TBCK: variants seen among roughly 807,000 people sequenced by gnomAD.
TBCK encodes the protein TBC1 domain containing kinase, also known as TBC domain-containing protein kinase-like protein.
TBCK carries 99 observed loss-of-function variants against 113.4 expected under a neutral mutation model. The ratio of observed to expected loss-of-function variants is 0.87; its 90% confidence interval spans 0.74 to 1.03. The LOEUF (loss-of-function observed/expected upper bound fraction) is 1.03. Ranked by LOEUF, TBCK falls within the 50% of genes least tolerant of loss-of-function variation. The pLI, the probability that TBCK is intolerant of heterozygous loss-of-function variation, is 0.00. For missense variants in TBCK, 1,045 were observed against 1,061.3 expected, an observed-to-expected ratio of 0.98 and a Z score of 0.21; for synonymous variants, 369 against 370.8, an observed-to-expected ratio of 1.00 and a Z score of 0.05.
At chr4:106,114,030 G>A (rs773672827) in intron 24 of TBCK, among the ~76,000 whole-genome samples, 3 of 152,206 alleles carry the variant, frequency 2.0e-5, no homozygotes, top group Non-Finnish European at 4.4e-5. Flanking sequence ...GGAAAAGAAT[G>A]TGGCTAATTA....
At chr4:106,160,186 T>C (rs977774826) in intron 23 of TBCK, among the ~76,000 whole-genome samples, 1 of 151,882 alleles carries the variant, frequency 6.6e-6, no homozygotes, top group Non-Finnish European at 1.5e-5. Flanking sequence ...GAAGAAAACA[T>C]AGGGCAAAAG....
At chr4:106,170,331 T>C (rs1316118635) in intron 23 of TBCK, among the ~76,000 whole-genome samples, 1 of 152,126 alleles carries the variant, frequency 6.6e-6, no homozygotes, top group Non-Finnish European at 1.5e-5. Flanking sequence ...ATCTTTCATA[T>C]ATATATTCAT....
intron 19 of TBCK, among the ~76,000 whole-genome samples, chr4:106,218,080 C>T (rs2149926097): frequency 6.8e-6 from 1 of 146,656 alleles, no homozygotes; most frequent in East Asian, 2.0e-4. Context: ...CTACAACTAT[C>T]TGATCTTTCA....
intron 7 of TBCK, among the ~76,000 whole-genome samples, chr4:106,249,300 G>A (rs1466350929): frequency 1.3e-5 from 2 of 152,066 alleles, no homozygotes; most frequent in Non-Finnish European, 2.9e-5. Context: ...GACACACATA[G>A]CTGACCCTTG....
chr4:106,242,436 A>C (rs1760249145), intron 12 of TBCK, 34 bp downstream of exon 12: 1 of 1,520,718 alleles, frequency 6.6e-7, no homozygotes, highest in East Asian at 2.3e-5. Flanking sequence ...AAAGAAAAAA[A>C]CCTAAAGCAG....
intron 23 of TBCK, among the ~76,000 whole-genome samples, chr4:106,133,240 A>T (rs1294986161): frequency 6.6e-6 from 1 of 152,154 alleles, no homozygotes; most frequent in Non-Finnish European, 1.5e-5. Context: ...CCTTTCCCCC[A>T]TACTGTTCTC....
intron 23 of TBCK, among the ~76,000 whole-genome samples, chr4:106,147,362 G>T (rs984405663): frequency 1.3e-5 from 2 of 152,126 alleles, no homozygotes; most frequent in Admixed American, 6.6e-5. Flanking sequence ...TTCTTAAAAA[G>T]TAAGACTTGA....
Position 106,184,053 on chromosome 4 carries a change from AC to A in TBCK, c.2059+9555del, listed in dbSNP as rs898908644. 4.7e-4 allele frequency among the ~76,000 whole-genome samples: 71 copies of A among 152,184 alleles called. 1 individual carries two copies. Among genetic ancestry groups the A allele is most frequent in the Non-Finnish European group, 4.0e-4 (27 of 67,962 alleles). On this transcript the variant is annotated intron_variant, in intron 22 of 25. Coordinates refer to ENST00000394708, the MANE Select transcript of TBCK (RefSeq NM_001163435.3). ...AAATATTTTTATGACAGCCTAACTT[AC>A]TAGGGCTTCACCAAAGCCTAACTGA...
intron 23 of TBCK, among the ~76,000 whole-genome samples, chr4:106,167,135 G>C (rs188663302): frequency 6.8e-6 from 1 of 146,006 alleles, no homozygotes; most frequent in Non-Finnish European, 1.5e-5. Context: ...TATATATAGA[G>C]AGAGAGAGAG....
intron 25 of TBCK, among the ~76,000 whole-genome samples, chr4:106,076,917 A>G (rs1738259469): frequency 6.6e-6 from 1 of 152,056 alleles, no homozygotes; most frequent in Non-Finnish European, 1.5e-5. Context: ...AAGCCTGGGA[A>G]GCAAAGAGAG....
At chr4:106,210,027 A>C (rs1396910996) in intron 20 of TBCK, among the ~76,000 whole-genome samples, 1 of 152,172 alleles carries the variant, frequency 6.6e-6, no homozygotes, top group Non-Finnish European at 1.5e-5. Context: ...CCATTAAATT[A>C]AAATTTTAAT....
At chr4:106,238,938 C>A (rs1275284029) in intron 12 of TBCK, among the ~76,000 whole-genome samples, 3 of 152,078 alleles carry the variant, frequency 2.0e-5, no homozygotes, top group South Asian at 4.1e-4. Context: ...CTTAGGGAGG[C>A]CTTCCTTGCT....
intron 3 of TBCK, among the ~76,000 whole-genome samples, chr4:106,280,657 A>G (rs1022952570): frequency 2.6e-5 from 4 of 152,136 alleles, no homozygotes; most frequent in Non-Finnish European, 5.9e-5. Context: ...ACAGAAATCC[A>G]GTTTCACAGC....
At chr4:106,294,912 G>A (rs1278579930) in intron 3 of TBCK, among the ~76,000 whole-genome samples, 182 bp downstream of exon 3, 1 of 148,230 alleles carries the variant, frequency 6.7e-6, no homozygotes, top group Non-Finnish European at 1.5e-5. Flanking sequence ...GATGAACACT[G>A]GACTATGTTA....
chr4:106,312,170 A>AT (rs1248763878), intron 1 of TBCK, among the ~76,000 whole-genome samples: 3 of 152,022 alleles, frequency 2.0e-5, no homozygotes, highest in Non-Finnish European at 1.5e-5. Flanking sequence ...ATCTGTCTGT[A>AT]TATACATATG....
chr4:106,244,847 TA>T (rs1196716005), intron 10 of TBCK, 83 bp from the exon 11 acceptor site: 175 of 813,962 alleles, frequency 2.1e-4, no homozygotes, highest in Middle Eastern at 6.4e-4. Flanking sequence ...GCTGCCATTC[TA>T]AAAAAAATAA....
intron 1 of TBCK, among the ~76,000 whole-genome samples, chr4:106,313,532 T>C (rs1207702819): frequency 6.6e-6 from 1 of 152,230 alleles, no homozygotes; most frequent in African/African-American, 2.4e-5. Context: ...ACTTGCCTTT[T>C]GTGAGCAAGT....
intron 25 of TBCK, among the ~76,000 whole-genome samples, chr4:106,070,603 T>C (rs71599095): frequency 0.011 from 1,715 of 152,270 alleles, 16 homozygotes; most frequent in Non-Finnish European, 0.017. Flanking sequence ...TAAAATTCTC[T>C]TTTTTGTGTG....
At chr4:106,149,645 A>G (rs1445537268) in intron 23 of TBCK, among the ~76,000 whole-genome samples, 1 of 152,186 alleles carries the variant, frequency 6.6e-6, no homozygotes, top group African/African-American at 2.4e-5. Context: ...AGCAACATCA[A>G]AGAGCACTGA....
Sources: gnomAD v4.1 joint callset for allele counts (sites outside exome capture counted in the v4.1 genomes callset) on GRCh38, gnomAD v4.1.1 for gene constraint, MANE v1.5 for transcripts, NCBI Gene and HGNC (gene_info 2026-07-23, HGNC 2026-07-21) for gene names.